PLXNB1: variants seen among roughly 807,000 people sequenced by gnomAD.
PLXNB1 encodes the protein plexin-B1.
PLXNB1 carries 106 observed loss-of-function variants against 209.4 expected under a neutral mutation model. That is an observed-to-expected ratio of 0.51 (90% confidence interval 0.43 to 0.59). The LOEUF (loss-of-function observed/expected upper bound fraction) is 0.59. PLXNB1 is among the 20% of genes least tolerant of loss of function. The pLI is 0.00. For synonymous variants in PLXNB1, 1,167 were observed against 1,183.2 expected (o/e 0.99, Z 0.28); for missense variants, 2,357 against 2,853.2 (o/e 0.83, Z 3.96).
Position 48,424,509 on chromosome 3 carries a change from G to T in PLXNB1, c.103C>A (p.Leu35Met). ...PTAFTPNGTY[L>M]QHLARDPTSG... Reference sequence around the variant, plus strand: ...GTGGGGTCCCTTGCCAGGTGCTGCAGATACGTGCCATTGGGAGTGAATGCA... The same window carrying T: ...GTGGGGTCCCTTGCCAGGTGCTGCATATACGTGCCATTGGGAGTGAATGCA... The change falls in exon 3 of 38, where the codon CTG becomes ATG. Residue 35 changes from leucine (L) to methionine (M), a missense_variant. Physicochemically the swap from Leu to Met is conservative, Grantham distance 15. Coordinates refer to ENST00000296440, the MANE Select transcript of PLXNB1 (RefSeq NM_001130082.3). 1 of 1,602,482 alleles carries T rather than the reference G, an allele frequency of 6.2e-7. No homozygotes were observed. Among genetic ancestry groups the T allele is most frequent in the South Asian group, 1.1e-5 (1 of 88,984 alleles).
rs1161252979 is a variant in PLXNB1 at position 48,410,406 on chromosome 3, C to T, written c.5521-26G>A. On this transcript the variant is annotated intron_variant, in intron 30 of 37. Coordinates refer to ENST00000296440, the MANE Select transcript of PLXNB1 (RefSeq NM_001130082.3). The surrounding 1 kb of genome is among the most constrained non-coding windows in gnomAD (Gnocchi z 6.4). Reference sequence around the variant, plus strand: ...CTGCTGAGCACAGCTGGTGATCCCTCCACCAGTCCCACCCCACCATGCCCT... The same window carrying T: ...CTGCTGAGCACAGCTGGTGATCCCTTCACCAGTCCCACCCCACCATGCCCT... 14 of 1,609,292 alleles carry T rather than the reference C, an allele frequency of 8.7e-6. No homozygotes were observed. In the Admixed American group the frequency reaches 2.3e-4, roughly 27 times the overall value.
At position 48,429,267 on chromosome 3, in the gene PLXNB1, C is replaced by A. The variant is rs2039063086; in HGVS notation, c.-60+741G>T. ...CCCGCACTCACCACCCGGCCGGGCC[C>A]CGCGGGATGTGCGCGCCGAGGCGGG... On this transcript the variant is annotated intron_variant, in intron 1 of 37. Coordinates refer to ENST00000296440, the MANE Select transcript of PLXNB1 (RefSeq NM_001130082.3). This position sits in a 1 kb window ranked among gnomAD's most constrained non-coding sequence, Gnocchi z 6.4. 6.6e-6 allele frequency: 1 copy of A among 151,940 alleles called. No individual in the cohort carries two copies. The highest frequency in any genetic ancestry group is 2.4e-5 in the African/African-American group (1 of 41,524). 9.4% of individuals were successfully genotyped at this position (151,940 alleles called of 1,614,324 possible).
At position 48,409,257 on chromosome 3, in the gene PLXNB1, C is replaced by T; in HGVS notation, c.6087+72G>A. On this transcript the variant is annotated intron_variant, in intron 34 of 37. Coordinates refer to ENST00000296440, the MANE Select transcript of PLXNB1 (RefSeq NM_001130082.3). The surrounding 1 kb of genome is among the most constrained non-coding windows in gnomAD (Gnocchi z 5.8). ...CCCTCCTTGAAGTTCTCAGAAAAGCCTGGAATCTGAGTGCACACACAGCAC... is the reference window on the plus strand; with the variant it reads ...CCCTCCTTGAAGTTCTCAGAAAAGCTTGGAATCTGAGTGCACACACAGCAC... The T allele has an allele frequency of 6.4e-7, 1 of 1,559,714 alleles. No individual in the cohort carries two copies. The highest frequency in any genetic ancestry group is 1.2e-5 in the South Asian group (1 of 85,616).
rs746272380 is a variant in PLXNB1, at chr3:48,418,075, A to G, written c.3223-13T>C. 1.2e-6 allele frequency: 2 copies of G among 1,611,538 alleles called. No homozygotes were observed. Among genetic ancestry groups the G allele is most frequent in the Non-Finnish European group, 8.5e-7 (1 of 1,178,814 alleles). ...TCAGTGGCTCCACCTGTTCCAGGAC[A>G]AGGACTGCTCACCTCTACTCAACTG... On this transcript the variant is annotated splice_polypyrimidine_tract_variant and intron_variant, in intron 15 of 37. Transcript: ENST00000296440. This position sits in a 1 kb window ranked among gnomAD's most constrained non-coding sequence, Gnocchi z 6.6.
At position 48,420,861 on chromosome 3, in the gene PLXNB1, G is replaced by A. The variant is rs767296717; in HGVS notation, c.1906C>T (p.Arg636Cys). The A allele has an allele frequency of 8.7e-6, 14 of 1,613,628 alleles. No homozygotes were observed. The highest frequency in any genetic ancestry group is 1.6e-4 in the Middle Eastern group (1 of 6,084). Residue 636 changes from arginine (R) to cysteine (C), a missense_variant, in exon 9 of 38, where the codon CGC becomes TGC. Physicochemically the swap from Arg to Cys is radical, Grantham distance 180 (BLOSUM62 -3). Transcript: ENST00000296440. Reference protein sequence around the residue: ...FYDCVAVTELRPSAQCQACVS... With the variant: ...FYDCVAVTELCPSAQCQACVS... ...CGAGGAACTCACTGCGCAGATGGGC[G>A]GAGTTCAGTGACCGCCACACAGTCA...
Position 48,418,849 on chromosome 3 carries a change from TAC to T in PLXNB1, c.2955+66_2955+67del. 2 of 1,594,540 alleles carry T rather than the reference TAC, an allele frequency of 1.3e-6. No individual in the cohort carries two copies. Among genetic ancestry groups the T allele is most frequent in the Non-Finnish European group, 1.7e-6 (2 of 1,166,798 alleles). ...CTCTGGAAAGTGTGGTGCAGCCAGC[TAC>T]AGTTGGCAGCCAGCCTGTGGCCAGT... On this transcript the variant is annotated intron_variant, in intron 13 of 37. Coordinates refer to ENST00000296440, the MANE Select transcript of PLXNB1 (RefSeq NM_001130082.3). The surrounding 1 kb of genome is among the most constrained non-coding windows in gnomAD (Gnocchi z 6.6).
chr3:48,418,110 C>CCCAAAGG lies in PLXNB1; in HGVS notation c.3223-49_3223-48insCCTTTGG. The CCCAAAGG allele has an allele frequency of 6.2e-7, 1 of 1,607,052 alleles. No homozygotes were observed. The highest frequency in any genetic ancestry group is 8.5e-7 in the Non-Finnish European group (1 of 1,175,462). The stretch of plus-strand genomic sequence containing the variant: ...CACCTCTACTCAACTGGAAAGGCAG[C>CCCAAAGG]CCCAACCTCCCACCTTTGGGCCCCC... On this transcript the variant is annotated intron_variant, in intron 15 of 37. Coordinates refer to ENST00000296440, the MANE Select transcript of PLXNB1 (RefSeq NM_001130082.3). This position sits in a 1 kb window ranked among gnomAD's most constrained non-coding sequence, Gnocchi z 6.6.
rs368125062 is a variant in PLXNB1, at chr3:48,404,542, C to T, written c.6352G>A (p.Gly2118Ser). The T allele has an allele frequency of 3.1e-6, 5 of 1,613,804 alleles. No homozygotes were observed. The highest frequency in any genetic ancestry group is 4.2e-6 in the Non-Finnish European group (5 of 1,179,884). ...EDGTAQKMQL[G>S]YRLQQIAAAV... ...GCTGCAATCTGCTGGAGCCGATAGC[C>T]CAGCTGCATCTTCTGGGCCGTGCCA... Residue 2118 changes from glycine (G) to serine (S), a missense_variant, in exon 38 of 38, where the codon GGC (glycine) becomes AGC (serine). Physicochemically the swap from Gly to Ser is moderately conservative, Grantham distance 56. This residue lies in a region of PLXNB1 where 414 missense variants were observed against 520.5 expected (regional missense o/e 0.80). Coordinates refer to ENST00000296440, the MANE Select transcript of PLXNB1 (RefSeq NM_001130082.3).
chr3:48,404,282 G>A lies in PLXNB1; in HGVS notation c.*204C>T. 3.5e-6 allele frequency: 2 copies of A among 572,440 alleles called. No individual in the cohort carries two copies. Among genetic ancestry groups the A allele is most frequent in the Non-Finnish European group, 6.2e-6 (2 of 322,456 alleles). 35.5% of individuals were successfully genotyped at this position (572,440 alleles called of 1,614,324 possible). On this transcript the variant is annotated 3_prime_UTR_variant, in exon 38 of 38. Coordinates refer to ENST00000296440, the MANE Select transcript of PLXNB1 (RefSeq NM_001130082.3). ...TCGCTGGACTCGGGGAGCAGGCTGG[G>A]TACTACCCCATGAGCCTTGAGGCCC... is the stretch of plus-strand genomic sequence containing the variant.
In PLXNB1 at chr3:48,411,243, C is replaced by T. The variant is rs2037662709; in HGVS notation, c.5248-207G>A. 6.6e-6 allele frequency among the ~76,000 whole-genome samples: 1 copy of T among 152,226 alleles called. No individual in the cohort carries two copies. The highest frequency in any genetic ancestry group is 2.4e-5 in the African/African-American group (1 of 41,466). ...TGACCCCAGCACCTAGCGCAGTGCA[C>T]TTGTAAACCACTATGGGGTAAATGG... On this transcript the variant is annotated intron_variant, in intron 28 of 37. Transcript: ENST00000296440. This position sits in a 1 kb window ranked among gnomAD's most constrained non-coding sequence, Gnocchi z 4.0.
chr3:48,422,392 A>G lies in PLXNB1; in HGVS notation c.1358T>C (p.Val453Ala). The G allele has an allele frequency of 6.2e-7, 1 of 1,606,944 alleles. No individual in the cohort carries two copies. Among genetic ancestry groups the G allele is most frequent in the Non-Finnish European group, 8.5e-7 (1 of 1,176,384 alleles). ...STQSIQQGSA[V>A]SRDLTFDGTF... ...CCCATCAAAGGTGAGGTCTCTGCTC[A>G]CTGCAGACCCCTGCTGGATGCTCTG... The change falls in exon 5 of 38, where the codon GTG becomes GCG. Residue 453 changes from valine to alanine, a missense_variant. Physicochemically the swap from Val to Ala is moderately conservative, Grantham distance 64 (BLOSUM62 0). Transcript: ENST00000296440.
In PLXNB1 at chr3:48,424,288, C is replaced by A; in HGVS notation, c.324G>T (p.Leu108=). The change falls in exon 3 of 38, where the codon CTG becomes CTT. Residue 108 remains leucine, a synonymous_variant. Coordinates refer to ENST00000296440, the MANE Select transcript of PLXNB1 (RefSeq NM_001130082.3). ...CCTGGTGCACGCTCCCGCATACCAC[C>A]AGGGCCCCTGGGCTCACCAGGAGCA... is the stretch of plus-strand genomic sequence containing the variant. The part of the protein sequence containing the change: ...NQLLLVSPGA[L]VVCGSVHQGV... 6.3e-7 allele frequency: 1 copy of A among 1,579,052 alleles called. No individual in the cohort carries two copies. The highest frequency in any genetic ancestry group is 1.3e-5 in the African/African-American group (1 of 74,168).
chr3:48,407,089 G>C lies in PLXNB1; in HGVS notation c.6090C>G (p.Asp2030Glu), dbSNP rs1463538621. Reference protein sequence around the residue: ...CTLADHKLGRDSPINKLLYAR... With the variant: ...CTLADHKLGRESPINKLLYAR... ...CATACAGAAGTTTGTTGATCGGGGA[G>C]TCCTGGACATAGCAGGAGGACAGCA... The change falls in exon 35 of 38, where the codon GAC becomes GAG. Residue 2030 changes from aspartate to glutamate, a missense_variant and splice_region_variant. This residue lies in a region of PLXNB1 where 414 missense variants were observed against 520.5 expected (regional missense o/e 0.80). Coordinates refer to ENST00000296440, the MANE Select transcript of PLXNB1 (RefSeq NM_001130082.3). 2 of 1,613,910 alleles carry C rather than the reference G, an allele frequency of 1.2e-6. No homozygotes were observed. The highest frequency in any genetic ancestry group is 1.7e-5 in the Admixed American group (1 of 60,022).
rs985263023 is a variant in PLXNB1, at chr3:48,405,936, G to A, written c.6229-138C>T. ...AATGGGATGGGCACTACAGTGGGAA[G>A]CAGAGTCCCCTCCATGGCCCAGGGA... On this transcript the variant is annotated intron_variant, in intron 36 of 37. Transcript: ENST00000296440. The surrounding 1 kb of genome is among the most constrained non-coding windows in gnomAD (Gnocchi z 5.0). 26 of 679,048 alleles carry A rather than the reference G, an allele frequency of 3.8e-5. No individual in the cohort carries two copies. Among genetic ancestry groups the A allele is most frequent in the East Asian group, 1.1e-4 (4 of 34,974 alleles). The allele number at this position is 679,048 out of a possible 1,614,324, so 42.1% of individuals were successfully genotyped here. A position where few individuals can be genotyped will look rare whatever the true frequency, so the allele number is the denominator to read the frequency against.
chr3:48,419,694 G>A lies in PLXNB1; in HGVS notation c.2592C>T (p.Ser864=). 1.9e-6 allele frequency: 3 copies of A among 1,612,500 alleles called. No individual in the cohort carries two copies. Among genetic ancestry groups the A allele is most frequent in the Non-Finnish European group, 2.5e-6 (3 of 1,179,926 alleles). ...CATCACCTGAGAGGAGGGTGGAAGTGGAGAAGGCGGGTGCGTCACCCCCCG... is the reference window on the plus strand; with the variant it reads ...CATCACCTGAGAGGAGGGTGGAAGTAGAGAAGGCGGGTGCGTCACCCCCCG... ...EWTGGDAPAF[S]TSTLLSGDGD... is the part of the protein sequence containing the mutation. Residue 864 remains serine (S), a synonymous_variant, in exon 11 of 38, where the codon TCC becomes TCT. Transcript: ENST00000296440. The surrounding 1 kb of genome is among the most constrained non-coding windows in gnomAD (Gnocchi z 5.7).
chr3:48,413,204 A>G lies in PLXNB1; in HGVS notation c.4536-35T>C, dbSNP rs374456270. The G allele has an allele frequency of 6.5e-7, 1 of 1,538,448 alleles. No homozygotes were observed. Among genetic ancestry groups the G allele is most frequent in the Non-Finnish European group, 8.9e-7 (1 of 1,119,052 alleles). ...CCCAGGGTCAGGAGAGGATGGCCAGATGAGTCCTACTCGCCCAGGCCTGCC... is the reference window on the plus strand; with the variant it reads ...CCCAGGGTCAGGAGAGGATGGCCAGGTGAGTCCTACTCGCCCAGGCCTGCC... On this transcript the variant is annotated intron_variant, in intron 23 of 37. Coordinates refer to ENST00000296440, the MANE Select transcript of PLXNB1 (RefSeq NM_001130082.3). The surrounding 1 kb of genome is among the most constrained non-coding windows in gnomAD (Gnocchi z 5.4).
In PLXNB1 at chr3:48,429,394, C is replaced by G; in HGVS notation, c.-60+614G>C. On this transcript the variant is annotated intron_variant, in intron 1 of 37. Coordinates refer to ENST00000296440, the MANE Select transcript of PLXNB1 (RefSeq NM_001130082.3). The surrounding 1 kb of genome is among the most constrained non-coding windows in gnomAD (Gnocchi z 6.4). ...AGACCGAGGGGCGGAAAACTGCGCC[C>G]GCTGCCCGCCCCTCCCGCGCGGCGC... is the stretch of plus-strand genomic sequence containing the variant. 1 of 151,492 alleles carries G rather than the reference C, an allele frequency of 6.6e-6. No homozygotes were observed. Among genetic ancestry groups the G allele is most frequent in the Middle Eastern group, 3.4e-3 (1 of 292 alleles). The allele number at this position is 151,492 out of a possible 1,614,324, so 9.4% of individuals were successfully genotyped here. A position where few individuals can be genotyped will look rare whatever the true frequency, so the allele number is the denominator to read the frequency against.
At position 48,419,875 on chromosome 3, in the gene PLXNB1, T is replaced by C. The variant is rs1320926692; in HGVS notation, c.2411A>G (p.Asp804Gly). Residue 804 changes from aspartate (D) to glycine (G), a missense_variant, in exon 11 of 38, where the codon GAC becomes GGC. Coordinates refer to ENST00000296440, the MANE Select transcript of PLXNB1 (RefSeq NM_001130082.3). The surrounding 1 kb of genome is among the most constrained non-coding windows in gnomAD (Gnocchi z 5.7). ...GGGATGAAGAGCCTCGGGGCCAGGG[T>C]CTGCAGGGGGCACTGCTGCTACCTC... is the stretch of plus-strand genomic sequence containing the variant. ...PSEVAAVPPA[D>G]PGPEALHPTV... 6.4e-7 allele frequency: 1 copy of C among 1,565,058 alleles called. No individual in the cohort carries two copies. Among genetic ancestry groups the C allele is most frequent in the South Asian group, 1.2e-5 (1 of 83,014 alleles).
In PLXNB1 at chr3:48,424,188, A is replaced by G. The variant is rs781013305; in HGVS notation, c.424T>C (p.Tyr142His). Reference sequence around the variant, plus strand: ...ACCGCAGGATCATTGGCAGCCACATATTGTGTGTCCCCAGGCCGCTCTGGC... The same window carrying G: ...ACCGCAGGATCATTGGCAGCCACATGTTGTGTGTCCCCAGGCCGCTCTGGC... The part of the protein sequence containing the change: ...LRPERPGDTQ[Y>H]VAANDPAVST... The change falls in exon 3 of 38, where the codon TAT (tyrosine) becomes CAT (histidine). Residue 142 changes from tyrosine (Y) to histidine (H), a missense_variant. Tyr to His is a moderately conservative substitution (Grantham distance 83, BLOSUM62 2). This residue lies in a region of PLXNB1 where 404 missense variants were observed against 443.6 expected (regional missense o/e 0.91). Coordinates refer to ENST00000296440, the MANE Select transcript of PLXNB1 (RefSeq NM_001130082.3). The G allele has an allele frequency of 6.3e-7, 1 of 1,590,020 alleles. No homozygotes were observed. Among genetic ancestry groups the G allele is most frequent in the Non-Finnish European group, 8.6e-7 (1 of 1,167,080 alleles).
Sources: allele counts gnomAD v4.1 joint callset (sites outside exome capture counted in the v4.1 genomes callset), GRCh38; gene constraint gnomAD v4.1.1; regional missense constraint gnomAD v4.1.1; non-coding constraint Gnocchi (gnomAD v3.1); transcripts MANE v1.5; gene names NCBI Gene and HGNC (gene_info 2026-07-23, HGNC 2026-07-21).